The following ABHD2 variants were observed in gnomAD, a reference collection of about 807,000 sequenced individuals.
The protein encoded by ABHD2 is monoacylglycerol lipase ABHD2.
A neutral mutation model predicts 48.1 loss-of-function variants in ABHD2; 20 were observed. The ratio of observed to expected loss-of-function variants is 0.42; its 90% CI spans 0.29 to 0.60. ABHD2 has a LOEUF of 0.60. ABHD2 is among the 20% of genes least tolerant of loss of function. The pLI is 0.24. For missense variants in ABHD2, 405 were observed against 550.9 expected (o/e 0.74, Z 2.65); for synonymous variants, 209 against 214.2 (o/e 0.98, Z 0.21).
At chr15:89,180,184 G>C (rs1365596147) in intron 6 of ABHD2, among the ~76,000 whole-genome samples, 2 of 152,204 alleles carry the variant, frequency 1.3e-5, no homozygotes, top group Non-Finnish European at 2.9e-5. Flanking sequence ...CTCACCCTGG[G>C]AAACAGCTCA....
the ABHD2 span, among the ~76,000 whole-genome samples, chr15:89,041,062 C>T: frequency 1.4e-4 from 21 of 152,336 alleles, no homozygotes; most frequent in East Asian, 3.7e-3. Flanking sequence ...TGGGATGCTT[C>T]CTCCTGGGAT....
chr15:89,065,526 A>G, the ABHD2 span, among the ~76,000 whole-genome samples: 2 of 152,152 alleles, frequency 1.3e-5, no homozygotes, highest in African/African-American at 2.4e-5. Context: ...AATTAATGCC[A>G]AACACTCCCT....
At chr15:89,148,354 C>T (rs2050532735) in intron 3 of ABHD2, among the ~76,000 whole-genome samples, 1 of 152,014 alleles carries the variant, frequency 6.6e-6, no homozygotes, top group South Asian at 2.1e-4. Flanking sequence ...AACTTTTTTT[C>T]AACCATAGAT....
At chr15:89,135,490 A>G (rs1301714528) in intron 3 of ABHD2, 6 of 865,268 alleles carry the variant, frequency 6.9e-6, no homozygotes, top group South Asian at 4.2e-5. Flanking sequence ...GGAGTGAGTT[A>G]TGTACAGGTT....
chr15:89,113,275 A>G (rs947523703), intron 1 of ABHD2, among the ~76,000 whole-genome samples: 1 of 152,050 alleles, frequency 6.6e-6, no homozygotes, highest in African/African-American at 2.4e-5. Flanking sequence ...GTGCCCTATT[A>G]CTTTTCTCAG....
chr15:89,167,028 A>G lies in ABHD2; in HGVS notation c.539-8784A>G, dbSNP rs1280008097. Reference sequence around the variant, plus strand: ...TTATTAATAACTGCATCAGAACAATACATTCCAGGACCCTCTTGGAGAGAC... The same window carrying G: ...TTATTAATAACTGCATCAGAACAATGCATTCCAGGACCCTCTTGGAGAGAC... On this transcript the variant is annotated intron_variant, in intron 5 of 10. Coordinates refer to ENST00000352732, the MANE Select transcript of ABHD2 (RefSeq NM_152924.5). This position sits in a 1 kb window ranked among gnomAD's most constrained non-coding sequence, Gnocchi z 5.5. Among the ~76,000 whole-genome samples, 1 of 152,204 alleles carries G rather than the reference A, an allele frequency of 6.6e-6. No individual in the cohort carries two copies. The highest frequency in any genetic ancestry group is 1.5e-5 in the Non-Finnish European group (1 of 68,034).
At chr15:89,087,262 C>G (rs1901388280), upstream of ABHD2, 1 of 152,254 alleles carries the variant, frequency 6.6e-6, no homozygotes, top group Non-Finnish European at 1.5e-5. This position sits in a 1 kb window ranked among gnomAD's most constrained non-coding sequence, Gnocchi z 5.5. Flanking sequence ...TTGTCACAAC[C>G]TGAAATATGT....
the ABHD2 span, among the ~76,000 whole-genome samples, chr15:89,063,480 T>C: frequency 1.3e-5 from 2 of 151,978 alleles, no homozygotes; most frequent in Non-Finnish European, 2.9e-5. Flanking sequence ...CAGACTCTTT[T>C]CCTATATATG....
At chr15:89,118,710 G>T (rs934231212) in intron 3 of ABHD2, among the ~76,000 whole-genome samples, 2 of 152,282 alleles carry the variant, frequency 1.3e-5, no homozygotes, top group Middle Eastern at 3.4e-3. Context: ...TGCAAAAGCT[G>T]CTATTGCCCA....
intron 1 of ABHD2, among the ~76,000 whole-genome samples, chr15:89,110,142 A>C (rs892714702): frequency 1.3e-5 from 2 of 151,308 alleles, no homozygotes; most frequent in Non-Finnish European, 2.9e-5. Context: ...GGAGTGTGGT[A>C]GTGTGGCAAC....
chr15:89,115,410 GTGTGTGTGTGTGTGTGTGTGTT>G lies in ABHD2; in HGVS notation c.-6-910_-6-889del, dbSNP rs1445806302. ...TGTGTGTGTGTGTGTGTGTGTGTGT[GTGTGTGTGTGTGTGTGTGTGTT>G]TTGTATATAAGGTAAAGTTACTTCA... On this transcript the variant is annotated intron_variant, in intron 2 of 10. Transcript: ENST00000352732. Among the ~76,000 whole-genome samples the G allele has an allele frequency of 1.5e-3, 145 of 95,572 alleles. 3 individuals carry two copies. The highest frequency in any genetic ancestry group is 0.011 in the Middle Eastern group (2 of 182). 62.7% of individuals were successfully genotyped at this position (95,572 alleles called of 152,430 possible).
Position 89,104,672 on chromosome 15 carries a change from C to T in ABHD2, c.-106-9053C>T, listed in dbSNP as rs940018799. Among the ~76,000 whole-genome samples, 23 of 152,206 alleles carry T rather than the reference C, an allele frequency of 1.5e-4. No homozygotes were observed. Among genetic ancestry groups the T allele is most frequent in the African/African-American group, 5.3e-4 (22 of 41,464 alleles). Reference sequence around the variant, plus strand: ...GTCTGGGTGAAACTTTCTTCTTTGCCTGCCTTAGGGAGTTAGATGGGTTGA... The same window carrying T: ...GTCTGGGTGAAACTTTCTTCTTTGCTTGCCTTAGGGAGTTAGATGGGTTGA... On this transcript the variant is annotated intron_variant, in intron 1 of 10. Transcript: ENST00000352732. This position sits in a 1 kb window ranked among gnomAD's most constrained non-coding sequence, Gnocchi z 4.4.
Position 89,125,625 on chromosome 15 carries a change from T to C in ABHD2, c.194+9104T>C, listed in dbSNP as rs74032729. Among the ~76,000 whole-genome samples, 869 of 152,318 alleles carry C rather than the reference T, an allele frequency of 5.7e-3. 15 individuals carry two copies. The highest frequency in any genetic ancestry group is 0.02 in the African/African-American group (837 of 41,570). ...CCAAACATTCCAGTTTGCTCAGGACTGGGGCATGGGACTGTCAGTACTAAT... is the reference window on the plus strand; with the variant it reads ...CCAAACATTCCAGTTTGCTCAGGACCGGGGCATGGGACTGTCAGTACTAAT... On this transcript the variant is annotated intron_variant, in intron 3 of 10. Transcript: ENST00000352732.
intron 5 of ABHD2, among the ~76,000 whole-genome samples, chr15:89,158,605 C>A (rs894173824): frequency 3.3e-5 from 5 of 152,206 alleles, no homozygotes; most frequent in African/African-American, 1.2e-4. Context: ...GATTCTTCAG[C>A]TGCAGTAAGG....
chr15:89,165,395 G>A lies in ABHD2; in HGVS notation c.538+9861G>A, dbSNP rs531881628. Among the ~76,000 whole-genome samples the A allele has an allele frequency of 7.9e-5, 12 of 151,826 alleles. No individual in the cohort carries two copies. The East Asian group carries it at 2.1e-3, about 27-fold the overall frequency. On this transcript the variant is annotated intron_variant, in intron 5 of 10. Transcript: ENST00000352732. ...TATGTCTCTTTTGATAAAGACATTA[G>A]CTAACCTGAGTAAAAATAAATGTGA... is the stretch of plus-strand genomic sequence containing the variant.
chr15:89,156,640 A>C (rs1244726132), intron 5 of ABHD2, among the ~76,000 whole-genome samples: 1 of 151,726 alleles, frequency 6.6e-6, no homozygotes, highest in East Asian at 1.9e-4. Flanking sequence ...CAGGAGGCTG[A>C]GGCACGAGGA....
chr15:89,194,247 C>T (rs544536316), intron 10 of ABHD2, among the ~76,000 whole-genome samples: 1 of 152,124 alleles, frequency 6.6e-6, no homozygotes, highest in South Asian at 2.1e-4. Flanking sequence ...CCTATAAATC[C>T]CAGCACTTTG....
chr15:89,051,263 C>G, the ABHD2 span, among the ~76,000 whole-genome samples: 1 of 152,142 alleles, frequency 6.6e-6, no homozygotes, highest in Non-Finnish European at 1.5e-5. Context: ...CTAGAAAGCA[C>G]TGTTTCAGAG....
At chr15:89,190,886 G>A (rs2051292127) in intron 8 of ABHD2, among the ~76,000 whole-genome samples, 194 bp from the exon 9 acceptor site, 1 of 152,082 alleles carries the variant, frequency 6.6e-6, no homozygotes, top group Middle Eastern at 3.2e-3. Flanking sequence ...ACATTTCATT[G>A]ATATGATGAG....
Sources: allele counts gnomAD v4.1 joint callset (sites outside exome capture counted in the v4.1 genomes callset), GRCh38; gene constraint gnomAD v4.1.1; non-coding constraint Gnocchi (gnomAD v3.1); transcripts MANE v1.5; gene names NCBI Gene and HGNC (gene_info 2026-07-23, HGNC 2026-07-21).